Variants in RNF207 observed in about 807,000 individuals in gnomAD.
RNF207 encodes the protein ring finger protein 207.
In RNF207, 72 loss-of-function variants were observed where a neutral mutation model predicts 79.0. That is an observed-to-expected ratio of 0.91 (90% CI 0.75 to 1.11). The LOEUF is 1.11. Ranked by LOEUF, RNF207 falls within the 50% of genes least tolerant of loss-of-function variation. The probability of loss-of-function intolerance (pLI) is 0.00; values close to 1 mark genes in which losing one functional copy is unlikely to be tolerated. For missense variants in RNF207, 936 were observed against 855.8 expected (o/e 1.09, Z -1.17); for synonymous variants, 348 against 366.2 (o/e 0.95, Z 0.57).
In RNF207 at chr1:6,211,045, T is replaced by C; in HGVS notation, c.1036T>C (p.Phe346Leu). The C allele has an allele frequency of 6.2e-7, 1 of 1,609,412 alleles. No individual in the cohort carries two copies. Among genetic ancestry groups the C allele is most frequent in the Non-Finnish European group, 8.5e-7 (1 of 1,179,274 alleles). ...SKIASDHRAE[F>L]ARCLEPLLLL... ...GATTGCCAGTGACCACCGAGCTGAA[T>C]TCGCGCGCTGTCTGGAGCCACTGCT... is the stretch of plus-strand genomic sequence containing the variant. The change falls in exon 12 of 18, where the codon TTC becomes CTC. Residue 346 changes from phenylalanine to leucine, a missense_variant. Phe to Leu is a conservative substitution (Grantham distance 22). Coordinates refer to ENST00000377939, the MANE Select transcript of RNF207 (RefSeq NM_207396.3). This position sits in a 1 kb window ranked among gnomAD's most constrained non-coding sequence, Gnocchi z 4.2.
chr1:6,206,791 C>T (rs1667924237), intron 2 of RNF207, 65 bp downstream of exon 2: 4 of 1,417,148 alleles, frequency 2.8e-6, no homozygotes, highest in East Asian at 2.3e-5. Flanking sequence ...GTTGGCTCTG[C>T]CCGAGCTGGG....
intron 16 of RNF207, 111 bp from the exon 17 acceptor site, chr1:6,218,178 C>T: frequency 1.4e-6 from 1 of 705,540 alleles, no homozygotes; most frequent in Non-Finnish European, 2.5e-6. Flanking sequence ...GAATGAAACG[C>T]TAGGTGGGTG....
chr1:6,219,365 A>G lies in RNF207; in HGVS notation c.1863A>G (p.Lys621=), dbSNP rs1668472889. The G allele has an allele frequency of 1.2e-6, 2 of 1,611,256 alleles. No homozygotes were observed. Among genetic ancestry groups the G allele is most frequent in the Non-Finnish European group, 1.7e-6 (2 of 1,179,208 alleles). ...KNMDHHRSKQ[K]NGGDVPTWRE... ...TGGATCATCACAGATCCAAACAGAA[A>G]AATGGGGGCGATGTCCCCACATGGA... Residue 621 remains lysine (K), a synonymous_variant, in exon 18 of 18, where the codon AAA becomes AAG. Transcript: ENST00000377939.
rs757250551 is a variant in RNF207 at position 6,210,945 on chromosome 1, A to G, written c.1011+7A>G. On this transcript the variant is annotated splice_region_variant and intron_variant, in intron 11 of 17. Coordinates refer to ENST00000377939, the MANE Select transcript of RNF207 (RefSeq NM_207396.3). ...GCCTATTCAGAGCAGCAAGGTGTGC[A>G]GTGGCCTGGGTGGGCCAGGGTCGGG... 2.4e-5 allele frequency: 39 copies of G among 1,603,762 alleles called. No individual in the cohort carries two copies. In the South Asian group the frequency reaches 3.9e-4, roughly 16 times the overall value.
chr1:6,212,583 C>T (rs918395816), intron 14 of RNF207, 99 bp from the exon 15 acceptor site: 26 of 1,282,304 alleles, frequency 2.0e-5, no homozygotes, highest in Admixed American at 1.2e-4. Flanking sequence ...GTGGACCTGG[C>T]TGGGGGGTGC....
intron 1 of RNF207, 28 bp downstream of exon 1, chr1:6,206,330 G>T (rs922361693): frequency 7.3e-5 from 41 of 564,442 alleles, no homozygotes; most frequent in Admixed American, 1.3e-4. Flanking sequence ...CCCCTCGCCA[G>T]TCCTCACTGC....
Position 6,211,031 on chromosome 1 carries a change from A to C in RNF207, c.1022A>C (p.Asp341Ala), listed in dbSNP as rs760324518. The C allele has an allele frequency of 6.2e-7, 1 of 1,609,444 alleles. No homozygotes were observed. The highest frequency in any genetic ancestry group is 8.5e-7 in the Non-Finnish European group (1 of 1,178,818). The change falls in exon 12 of 18, where the codon GAC (aspartate) becomes GCC (alanine). Residue 341 changes from aspartate to alanine, a missense_variant. By Grantham distance (126) the Asp-to-Ala change is moderately radical. Coordinates refer to ENST00000377939, the MANE Select transcript of RNF207 (RefSeq NM_207396.3). The surrounding 1 kb of genome is among the most constrained non-coding windows in gnomAD (Gnocchi z 4.2). ...RPIQSSKIAS[D>A]HRAEFARCLE... ...CATCCCGCTGCCCAGATTGCCAGTG[A>C]CCACCGAGCTGAATTCGCGCGCTGT...
chr1:6,209,467 C>T lies in RNF207; in HGVS notation c.681C>T (p.Ala227=). ...ATREAIALLQ[A]MVEEVRHSAA... ...GGGAGGCCATCGCGCTGCTGCAGGCCATGGTGGAGGAGGTGCGGCACAGCG... is the reference window on the plus strand; with the variant it reads ...GGGAGGCCATCGCGCTGCTGCAGGCTATGGTGGAGGAGGTGCGGCACAGCG... Residue 227 remains alanine, a synonymous_variant, in exon 7 of 18, where the codon GCC becomes GCT. Coordinates refer to ENST00000377939, the MANE Select transcript of RNF207 (RefSeq NM_207396.3). 1 of 1,507,726 alleles carries T rather than the reference C, an allele frequency of 6.6e-7. No homozygotes were observed. Among genetic ancestry groups the T allele is most frequent in the Non-Finnish European group, 8.8e-7 (1 of 1,134,264 alleles). The allele number at this position is 1,507,726 out of a possible 1,614,324, so 93.4% of individuals were successfully genotyped here. A position where few individuals can be genotyped will look rare whatever the true frequency, so the allele number is the denominator to read the frequency against.
chr1:6,208,968 G>C lies in RNF207; in HGVS notation c.412G>C (p.Ala138Pro), dbSNP rs1668029169. ...CGAGACGCACCGAGCACGCATGTTC[G>C]CGCGCCACGACATCGTGGCCCTGGG... The part of the protein sequence containing the change: ...RDETHRARMF[A>P]RHDIVALGQR... Residue 138 changes from alanine (A) to proline (P), a missense_variant, in exon 4 of 18, where the codon GCG becomes CCG. Physicochemically the swap from Ala to Pro is conservative, Grantham distance 27 (BLOSUM62 -1). Transcript: ENST00000377939. 2.6e-6 allele frequency: 4 copies of C among 1,536,748 alleles called. No homozygotes were observed. The highest frequency in any genetic ancestry group is 2.7e-5 in the African/African-American group (2 of 72,754).
Position 6,212,147 on chromosome 1 carries a change from A to G in RNF207, c.1297-84A>G, listed in dbSNP as rs1668198880. On this transcript the variant is annotated intron_variant, in intron 13 of 17. Transcript: ENST00000377939. ...GAAATCGAGTTCTCCCAGCTGCTGA[A>G]GCTGGGAGCCATTCCTCCACCAAGT... 6.3e-5 allele frequency: 98 copies of G among 1,547,226 alleles called. 3 individuals carry two copies. The South Asian group carries it at 1.2e-3, about 18-fold the overall frequency.
At position 6,207,318 on chromosome 1, in the gene RNF207, G is replaced by T; in HGVS notation, c.192-61G>T. The T allele has an allele frequency of 1.4e-6, 2 of 1,481,346 alleles. No individual in the cohort carries two copies. Among genetic ancestry groups the T allele is most frequent in the Non-Finnish European group, 9.0e-7 (1 of 1,109,394 alleles). 91.8% of individuals were successfully genotyped at this position (1,481,346 alleles called of 1,614,324 possible). A position where few individuals can be genotyped will look rare whatever the true frequency, so the allele number is the denominator to read the frequency against. ...TTAGCTCCAGCCTGGAATGTGAGGG[G>T]TGGGGGTGGGGAGCCCTGGGGAAGG... On this transcript the variant is annotated intron_variant, in intron 2 of 17. Coordinates refer to ENST00000377939, the MANE Select transcript of RNF207 (RefSeq NM_207396.3). The surrounding 1 kb of genome is among the most constrained non-coding windows in gnomAD (Gnocchi z 4.5).
Position 6,206,590 on chromosome 1 carries a change from A to C in RNF207, c.55A>C (p.Ser19Arg). 1 of 1,603,968 alleles carries C rather than the reference A, an allele frequency of 6.2e-7. No individual in the cohort carries two copies. Among genetic ancestry groups the C allele is most frequent in the Non-Finnish European group, 8.5e-7 (1 of 1,179,292 alleles). ...LEGPSSLDAP[S>R]IHPLVCPLCH... ...GGGCCCGAGCTCCCTGGATGCCCCG[A>C]GCATCCACCCGCTGGTGTGCCCGCT... The change falls in exon 2 of 18, where the codon AGC becomes CGC. Residue 19 changes from serine to arginine, a missense_variant. Ser to Arg is a moderately radical substitution (Grantham distance 110). Transcript: ENST00000377939.
chr1:6,206,733 G>C lies in RNF207; in HGVS notation c.191+7G>C, dbSNP rs72853039. ...TCACCTGCCCGCTGTGCCAGTAAGT[G>C]TCCCAAAGTTCCCCAAAACCCCCCA... is the stretch of plus-strand genomic sequence containing the variant. On this transcript the variant is annotated splice_region_variant and intron_variant, in intron 2 of 17. Coordinates refer to ENST00000377939, the MANE Select transcript of RNF207 (RefSeq NM_207396.3). The C allele has an allele frequency of 0.066, 105,095 of 1,598,544 alleles. 7,278 individuals carry two copies. Among genetic ancestry groups the C allele is most frequent in the African/African-American group, 0.36 (26,786 of 74,690 alleles).
In RNF207 at chr1:6,212,402, G is replaced by A; in HGVS notation, c.1468G>A (p.Val490Ile). The change falls in exon 14 of 18, where the codon GTC becomes ATC. Residue 490 changes from valine to isoleucine, a missense_variant. Val to Ile is a conservative substitution (Grantham distance 29). Transcript: ENST00000377939. ...SEHASLEGMR[V>I]VFQEIWEEAY... ...GCACGCCTCCTTAGAGGGCATGAGG[G>A]TCGTCTTCCAGGAGGTAGCCCTCCC... 6.2e-7 allele frequency: 1 copy of A among 1,609,930 alleles called. No homozygotes were observed. The highest frequency in any genetic ancestry group is 1.1e-5 in the South Asian group (1 of 90,504).
chr1:6,212,600 G>C, intron 14 of RNF207, 82 bp from the exon 15 acceptor site: 1 of 1,357,024 alleles, frequency 7.4e-7, no homozygotes, highest in Non-Finnish European at 1.1e-6. Context: ...GTGCTTTGTA[G>C]ATCTGAGTAG....
chr1:6,208,533 C>T (rs1210899278), intron 3 of RNF207: 1 of 262,502 alleles, frequency 3.8e-6, no homozygotes, highest in East Asian at 1.1e-4. Flanking sequence ...TGGCCAGCTC[C>T]TGACCTCAGG....
rs903726631 is a variant in RNF207, at chr1:6,207,887, A to C, written c.324+376A>C. Reference sequence around the variant, plus strand: ...CATAGAAGCAGCTACAGCCCAGGGGAGGTGGGGACAGCATGCTGTTCCCTC... The same window carrying C: ...CATAGAAGCAGCTACAGCCCAGGGGCGGTGGGGACAGCATGCTGTTCCCTC... On this transcript the variant is annotated intron_variant, in intron 3 of 17. Transcript: ENST00000377939. The surrounding 1 kb of genome is among the most constrained non-coding windows in gnomAD (Gnocchi z 4.5). 1.0e-5 allele frequency: 4 copies of C among 398,876 alleles called. No homozygotes were observed. Among genetic ancestry groups the C allele is most frequent in the African/African-American group, 8.2e-5 (4 of 48,502 alleles). 24.7% of individuals were successfully genotyped at this position (398,876 alleles called of 1,614,324 possible).
At chr1:6,218,409 T>C in intron 17 of RNF207, 40 bp downstream of exon 17, 1 of 1,473,002 alleles carries the variant, frequency 6.8e-7, no homozygotes, top group Non-Finnish European at 9.5e-7. Context: ...GCACGCGATG[T>C]GGCTTCTGAG....
At chr1:6,209,728 G>A (rs1668078859) in intron 7 of RNF207, among the ~76,000 whole-genome samples, 189 bp downstream of exon 7, 1 of 152,124 alleles carries the variant, frequency 6.6e-6, no homozygotes, top group Non-Finnish European at 1.5e-5. Flanking sequence ...GGTGTGAGGT[G>A]GTCAGGAAAG....
Sources: allele counts gnomAD v4.1 joint callset (sites outside exome capture counted in the v4.1 genomes callset), GRCh38; gene constraint gnomAD v4.1.1; non-coding constraint Gnocchi (gnomAD v3.1); transcripts MANE v1.5; gene names NCBI Gene and HGNC (gene_info 2026-07-23, HGNC 2026-07-21).